DTD1: variants seen among roughly 807,000 people sequenced by gnomAD.
DTD1 encodes D-aminoacyl-tRNA deacylase 1.
DTD1 carries 13 observed loss-of-function variants against 25.6 expected under a neutral mutation model. The observed-to-expected ratio is 0.51, with a 90% CI of 0.33 to 0.81. The LOEUF is 0.81. Among genes scored for constraint, DTD1 ranks in the 30% least tolerant of loss-of-function variants. DTD1 has a pLI of 0.02. For synonymous variants in DTD1, 110 were observed against 103.6 expected (o/e 1.06, Z -0.37); for missense variants, 193 against 266.4 (o/e 0.72, Z 1.92).
At chr20:18,748,143 C>T (rs912290415) in intron 5 of DTD1, among the ~76,000 whole-genome samples, 1 of 151,718 alleles carries the variant, frequency 6.6e-6, no homozygotes, top group Admixed American at 6.6e-5. Context: ...CAACCAGACC[C>T]AGATTATCAA....
At chr20:18,631,715 G>C in intron 4 of DTD1, 28 of 985,012 alleles carry the variant, frequency 2.8e-5, no homozygotes, top group South Asian at 9.4e-5. Flanking sequence ...ATTCTCTCTG[G>C]GTTTTTGTCT....
chr20:18,755,770 C>G (rs2061336684), intron 5 of DTD1, among the ~76,000 whole-genome samples: 1 of 152,088 alleles, frequency 6.6e-6, no homozygotes, highest in Non-Finnish European at 1.5e-5. Flanking sequence ...TTTTATAATC[C>G]TTTGGGTATA....
chr20:18,601,237 C>T lies in DTD1; in HGVS notation c.370+4996C>T, dbSNP rs575472606. The stretch of plus-strand genomic sequence containing the variant: ...CTCCCCGGCCAGGCGTCGTGCTTCA[C>T]GCCTGTAATCCCAGCGCTTTGGGAA... On this transcript the variant is annotated intron_variant, in intron 3 of 5. Transcript: ENST00000377452. Among the ~76,000 whole-genome samples the T allele has an allele frequency of 9.9e-5, 15 of 152,188 alleles. No individual in the cohort carries two copies. In the South Asian group the frequency reaches 2.9e-3, roughly 30 times the overall value.
chr20:18,682,928 C>A (rs2061003120), intron 4 of DTD1, among the ~76,000 whole-genome samples: 1 of 152,190 alleles, frequency 6.6e-6, no homozygotes, highest in South Asian at 2.1e-4. Context: ...TGGCTACTGC[C>A]CATGAATATG....
At position 18,619,735 on chromosome 20, in the gene DTD1, C is replaced by CTTT. The variant is rs2060725444; in HGVS notation, c.371-8390_371-8388dup. ...CCACCGCACCTGGCCTCCTCTCCTGCTTTTATGCTTTCATTTTTTACTTTG... is the reference window on the plus strand; with the variant it reads ...CCACCGCACCTGGCCTCCTCTCCTGCTTTTTTTATGCTTTCATTTTTTACTTTG... On this transcript the variant is annotated intron_variant, in intron 3 of 5. Transcript: ENST00000377452. Among the ~76,000 whole-genome samples, 3 of 152,202 alleles carry CTTT rather than the reference C, an allele frequency of 2.0e-5. No homozygotes were observed. In the South Asian group the frequency reaches 6.2e-4, roughly 32 times the overall value.
chr20:18,589,034 T>C (rs768514734), intron 1 of DTD1, among the ~76,000 whole-genome samples: 2 of 152,184 alleles, frequency 1.3e-5, no homozygotes, highest in Non-Finnish European at 2.9e-5. Flanking sequence ...ATATGCGTTC[T>C]TGTGTCCACA....
In DTD1 at chr20:18,744,188, G is replaced by A. The variant is rs1485383895; in HGVS notation, c.566G>A (p.Arg189Gln). 9 of 1,612,170 alleles carry A rather than the reference G, an allele frequency of 5.6e-6. No individual in the cohort carries two copies. The highest frequency in any genetic ancestry group is 2.7e-5 in the African/African-American group (2 of 74,850). Residue 189 changes from arginine to glutamine, a missense_variant, in exon 5 of 6, where the codon CGA becomes CAA. Arg to Gln is a conservative substitution (Grantham distance 43). Transcript: ENST00000377452. ...TCAAGCAAGGAAAGAAACACTCCCCGAAAAGAAGACCGCAGTGCCAGCAGC... is the reference window on the plus strand; with the variant it reads ...TCAAGCAAGGAAAGAAACACTCCCCAAAAAGAAGACCGCAGTGCCAGCAGC... ...SESSKERNTP[R>Q]KEDRSASSGA...
At chr20:18,719,421 A>G (rs2061194247) in intron 4 of DTD1, among the ~76,000 whole-genome samples, 1 of 152,218 alleles carries the variant, frequency 6.6e-6, no homozygotes, top group African/African-American at 2.4e-5. Context: ...AAAATATGGC[A>G]TCTGAGGAAT....
intron 4 of DTD1, among the ~76,000 whole-genome samples, chr20:18,740,741 G>A (rs2061274581): frequency 6.6e-6 from 1 of 152,142 alleles, no homozygotes; most frequent in Non-Finnish European, 1.5e-5. Flanking sequence ...TAGTAGTAAT[G>A]GGTATATCCA....
intron 4 of DTD1, among the ~76,000 whole-genome samples, chr20:18,721,005 T>C (rs2061201008): frequency 6.6e-6 from 1 of 152,228 alleles, no homozygotes; most frequent in African/African-American, 2.4e-5. Flanking sequence ...GGACTTTCCA[T>C]GTAGATAGTC....
At chr20:18,691,227 A>G (rs1568670454) in intron 4 of DTD1, among the ~76,000 whole-genome samples, 1 of 152,240 alleles carries the variant, frequency 6.6e-6, no homozygotes, top group Non-Finnish European at 1.5e-5. Flanking sequence ...ACTTAGAACT[A>G]TTAATATCAT....
At chr20:18,592,982 C>G (rs902310124) in intron 1 of DTD1, among the ~76,000 whole-genome samples, 1 of 152,118 alleles carries the variant, frequency 6.6e-6, no homozygotes, top group African/African-American at 2.4e-5. Flanking sequence ...ATGCCCGGCC[C>G]ATAATGATGC....
At chr20:18,597,210 A>G (rs6081239) in intron 3 of DTD1, among the ~76,000 whole-genome samples, 77,000 of 145,442 alleles carry the variant, frequency 0.53, 20,062 homozygotes, top group Middle Eastern at 0.59. Context: ...TATAGAGAGA[A>G]GGAGCTATAG....
At chr20:18,619,674 C>T (rs2060725058) in intron 3 of DTD1, among the ~76,000 whole-genome samples, 1 of 152,182 alleles carries the variant, frequency 6.6e-6, no homozygotes, top group South Asian at 2.1e-4. Context: ...ATCTGCCCGC[C>T]TCGGCCTCCC....
intron 4 of DTD1, among the ~76,000 whole-genome samples, chr20:18,673,902 GTTAGT>G (rs1241699939): frequency 6.9e-6 from 1 of 145,926 alleles, no homozygotes; most frequent in Non-Finnish European, 1.5e-5. Flanking sequence ...AAAACCCTAT[GTTAGT>G]TTTTTTTTTT....
chr20:18,708,188 A>C (rs1467094455), intron 4 of DTD1, among the ~76,000 whole-genome samples: 2 of 69,060 alleles, frequency 2.9e-5, no homozygotes, highest in African/African-American at 1.2e-4. Flanking sequence ...TATATTTTAT[A>C]TATATATTAT....
intron 1 of DTD1, 140 bp downstream of exon 1, chr20:18,588,255 C>G: frequency 7.2e-6 from 6 of 836,222 alleles, no homozygotes; most frequent in African/African-American, 1.8e-5. Context: ...GAGCTCGGTC[C>G]GCGCAGCCGC....
intron 4 of DTD1, among the ~76,000 whole-genome samples, chr20:18,738,545 A>G (rs6081338): frequency 0.31 from 47,673 of 152,062 alleles, 8,013 homozygotes; most frequent in Non-Finnish European, 0.38. Flanking sequence ...CACCATTCCG[A>G]AGCTCCGTTT....
At chr20:18,628,337 C>G in intron 4 of DTD1, 104 bp downstream of exon 4, 1 of 863,924 alleles carries the variant, frequency 1.2e-6, no homozygotes, top group South Asian at 1.6e-5. Flanking sequence ...ATTGTTGCAA[C>G]GTTGTATTTA....
Sources: gnomAD v4.1 joint callset for allele counts (sites outside exome capture counted in the v4.1 genomes callset) on GRCh38, gnomAD v4.1.1 for gene constraint, MANE v1.5 for transcripts, NCBI Gene and HGNC (gene_info 2026-07-23, HGNC 2026-07-21) for gene names.